Variants in ROBO2 observed in about 807,000 individuals in gnomAD.
The protein encoded by ROBO2 is roundabout homolog 2.
A neutral mutation model predicts 160.8 loss-of-function variants in ROBO2; 53 were observed. The ratio of observed to expected loss-of-function variants is 0.33; its 90% CI spans 0.26 to 0.41. The LOEUF (loss-of-function observed/expected upper bound fraction) is 0.41. ROBO2 is among the 10% of genes least tolerant of loss of function. The probability of loss-of-function intolerance (pLI) is 1.00; values close to 1 mark genes in which losing one functional copy is unlikely to be tolerated. For synonymous variants in ROBO2, 664 were observed against 611.7 expected, an observed-to-expected ratio of 1.09 and a Z score of -1.26; for missense variants, 1,577 against 1,722.4, an observed-to-expected ratio of 0.92 and a Z score of 1.49.
chr3:76,571,104 T>C (rs1378723166), intron 2 of ROBO2, among the ~76,000 whole-genome samples: 1 of 152,160 alleles, frequency 6.6e-6, no homozygotes, highest in African/African-American at 2.4e-5. Context: ...ATCTCTAGCA[T>C]GTATAACTCA....
intron 2 of ROBO2, among the ~76,000 whole-genome samples, chr3:76,357,268 C>T (rs1404413288): frequency 1.3e-5 from 2 of 151,860 alleles, no homozygotes; most frequent in Admixed American, 6.6e-5. Context: ...CATGTTCTCA[C>T]CTATAAGCAG....
intron 2 of ROBO2, among the ~76,000 whole-genome samples, chr3:77,212,371 CTGTT>C (rs2084293980): frequency 6.6e-6 from 1 of 152,110 alleles, no homozygotes; most frequent in Admixed American, 6.5e-5. Context: ...ATTTGGCTCT[CTGTT>C]TGTCTCTTAT....
chr3:76,456,557 T>G (rs142535857), intron 2 of ROBO2, among the ~76,000 whole-genome samples: 2,628 of 152,278 alleles, frequency 0.017, 64 homozygotes, highest in African/African-American at 0.054. Flanking sequence ...AAGACGGTGG[T>G]CAGATTCCAT....
At chr3:76,268,805 T>C (rs1469440591) in intron 2 of ROBO2, among the ~76,000 whole-genome samples, 1 of 152,154 alleles carries the variant, frequency 6.6e-6, no homozygotes, top group East Asian at 1.9e-4. Context: ...GCCTCTTTAG[T>C]AGTAAGGCAA....
intron 2 of ROBO2, among the ~76,000 whole-genome samples, chr3:76,373,186 T>G (rs1171549968): frequency 1.3e-5 from 2 of 152,008 alleles, no homozygotes; most frequent in African/African-American, 4.8e-5. Flanking sequence ...GATTTTGTAC[T>G]TTTTGTAATA....
chr3:76,944,895 C>CT (rs764903706), intron 2 of ROBO2, among the ~76,000 whole-genome samples: 75 of 144,560 alleles, frequency 5.2e-4, no homozygotes, highest in Admixed American at 1.0e-3. Flanking sequence ...GCTGTGATGG[C>CT]TTTTTTTTTT....
intron 14 of ROBO2, among the ~76,000 whole-genome samples, chr3:77,575,404 C>G (rs1018600562): frequency 1.3e-5 from 2 of 152,038 alleles, no homozygotes; most frequent in Non-Finnish European, 2.9e-5. Context: ...CTCCATTCTG[C>G]TTTTGTATTA....
At chr3:76,326,585 A>G (rs1251903589) in intron 2 of ROBO2, among the ~76,000 whole-genome samples, 1 of 152,034 alleles carries the variant, frequency 6.6e-6, no homozygotes, top group African/African-American at 2.4e-5. Flanking sequence ...AAATTTATTC[A>G]TATGCAGAAT....
chr3:76,696,186 G>A (rs113560996), intron 2 of ROBO2, among the ~76,000 whole-genome samples: 2,354 of 152,246 alleles, frequency 0.015, 56 homozygotes, highest in African/African-American at 0.053. Context: ...CCGCAGAATT[G>A]TAATGGAGCA....
chr3:77,366,317 T>C (rs1245693859), intron 2 of ROBO2, among the ~76,000 whole-genome samples: 2 of 152,050 alleles, frequency 1.3e-5, no homozygotes, highest in African/African-American at 4.8e-5. Context: ...TTTGATAGTA[T>C]TAGGAGGTGG....
At chr3:76,999,705 G>A (rs181003469) in intron 2 of ROBO2, among the ~76,000 whole-genome samples, 1 of 152,232 alleles carries the variant, frequency 6.6e-6, no homozygotes. Context: ...AGGAGACCTT[G>A]GGGTTTGTAT....
At chr3:76,709,874 G>C (rs1006919785) in intron 2 of ROBO2, among the ~76,000 whole-genome samples, 1 of 152,092 alleles carries the variant, frequency 6.6e-6, no homozygotes, top group African/African-American at 2.4e-5. Flanking sequence ...TGCAATGTGG[G>C]GCTGCCTCTC....
At chr3:76,474,840 T>TCC (rs1180479600) in intron 2 of ROBO2, among the ~76,000 whole-genome samples, 2 of 152,108 alleles carry the variant, frequency 1.3e-5, no homozygotes, top group Admixed American at 1.3e-4. Context: ...TGAGCTGGAC[T>TCC]CCACCCAGAT....
chr3:76,767,057 A>G (rs1035862806), intron 2 of ROBO2, among the ~76,000 whole-genome samples: 2 of 151,576 alleles, frequency 1.3e-5, no homozygotes, highest in African/African-American at 4.8e-5. Flanking sequence ...TGATAAATAT[A>G]GGAAAATAGA....
chr3:76,994,410 G>C (rs1202039013), intron 2 of ROBO2, among the ~76,000 whole-genome samples: 1 of 152,090 alleles, frequency 6.6e-6, no homozygotes, highest in East Asian at 1.9e-4. Context: ...GGGAAAGTTG[G>C]AAACTGCTTT....
At chr3:75,927,144 G>A (rs1457603668) in intron 1 of ROBO2, among the ~76,000 whole-genome samples, 2 of 152,076 alleles carry the variant, frequency 1.3e-5, no homozygotes, top group African/African-American at 2.4e-5. Flanking sequence ...TTTAATTATT[G>A]GCTTAAACAG....
At chr3:77,340,158 G>A (rs1427746321) in intron 2 of ROBO2, among the ~76,000 whole-genome samples, 1 of 152,060 alleles carries the variant, frequency 6.6e-6, no homozygotes, top group Non-Finnish European at 1.5e-5. Context: ...TAACACAAGT[G>A]CTGCACAGGT....
intron 2 of ROBO2, among the ~76,000 whole-genome samples, chr3:76,148,002 A>G (rs1577054199): frequency 6.6e-6 from 1 of 152,044 alleles, no homozygotes; most frequent in Non-Finnish European, 1.5e-5. Context: ...GGATTCTAGG[A>G]TAATAGGCAC....
At chr3:75,984,721 T>C (rs1168947441) in intron 2 of ROBO2, among the ~76,000 whole-genome samples, 1 of 151,406 alleles carries the variant, frequency 6.6e-6, no homozygotes, top group Non-Finnish European at 1.5e-5. Context: ...AATGGAGAAG[T>C]TAACGCTACT....
Sources: allele counts gnomAD v4.1 joint callset (sites outside exome capture counted in the v4.1 genomes callset), GRCh38; gene constraint gnomAD v4.1.1; transcripts MANE v1.5; gene names NCBI Gene and HGNC (gene_info 2026-07-23, HGNC 2026-07-21).